LDLRAD3: variants seen among roughly 807,000 people sequenced by gnomAD.
LDLRAD3 encodes low density lipoprotein receptor class A domain containing 3.
A neutral mutation model predicts 29.4 loss-of-function variants in LDLRAD3; 20 were observed. That is an observed-to-expected ratio of 0.68 (90% CI 0.48 to 0.99). The LOEUF (loss-of-function observed/expected upper bound fraction) is 0.99. Among genes scored for constraint, LDLRAD3 ranks in the 50% least tolerant of loss-of-function variants. The probability of loss-of-function intolerance (pLI) is 0.00; values close to 1 mark genes in which losing one functional copy is unlikely to be tolerated. For synonymous variants in LDLRAD3, 157 were observed against 192.7 expected, an observed-to-expected ratio of 0.81 and a Z score of 1.53; for missense variants, 420 against 454.3, an observed-to-expected ratio of 0.92 and a Z score of 0.69.
intron 1 of LDLRAD3, among the ~76,000 whole-genome samples, chr11:35,962,232 A>C (rs263079): frequency 0.043 from 6,511 of 152,086 alleles, 283 homozygotes; most frequent in African/African-American, 0.12. Context: ...TTGGAGTTTG[A>C]ACTTGAGCTT....
chr11:36,093,163 A>G (rs1236026856), intron 3 of LDLRAD3, among the ~76,000 whole-genome samples: 1 of 152,180 alleles, frequency 6.6e-6, no homozygotes, highest in Admixed American at 6.5e-5. Flanking sequence ...TCACTGAAAC[A>G]TTTCTGCTAG....
At chr11:36,222,020 G>A (rs1468265586) in intron 4 of LDLRAD3, among the ~76,000 whole-genome samples, 1 of 152,152 alleles carries the variant, frequency 6.6e-6, no homozygotes, top group Non-Finnish European at 1.5e-5. Context: ...CATTTGGATT[G>A]TTTCTGATAT....
chr11:36,088,794 C>A (rs1207863265), intron 3 of LDLRAD3, among the ~76,000 whole-genome samples: 1 of 152,192 alleles, frequency 6.6e-6, no homozygotes, highest in Non-Finnish European at 1.5e-5. Flanking sequence ...CTTTGGAAAT[C>A]TTTCTGGTTT....
At chr11:36,225,945 G>C (rs959035128) in intron 4 of LDLRAD3, among the ~76,000 whole-genome samples, 1 of 152,096 alleles carries the variant, frequency 6.6e-6, no homozygotes, top group Non-Finnish European at 1.5e-5. Context: ...GCACACACCT[G>C]TAGTCCCAGC....
At chr11:36,006,254 G>A (rs1186774903) in intron 1 of LDLRAD3, among the ~76,000 whole-genome samples, 1 of 152,136 alleles carries the variant, frequency 6.6e-6, no homozygotes, top group East Asian at 1.9e-4. Context: ...TTAATTCACA[G>A]ATTAGGGGAA....
chr11:36,170,534 C>A (rs1360904237), intron 4 of LDLRAD3, among the ~76,000 whole-genome samples: 3 of 151,900 alleles, frequency 2.0e-5, no homozygotes, highest in African/African-American at 7.3e-5. Flanking sequence ...AATGAAATTG[C>A]TGGATCAAAT....
At chr11:35,988,158 A>G (rs1851638124) in intron 1 of LDLRAD3, among the ~76,000 whole-genome samples, 1 of 152,102 alleles carries the variant, frequency 6.6e-6, no homozygotes, top group African/African-American at 2.4e-5. Flanking sequence ...CGTCGGGTCA[A>G]GCCATCCTCC....
intron 4 of LDLRAD3, among the ~76,000 whole-genome samples, chr11:36,100,739 A>G (rs745888317): frequency 1.8e-4 from 28 of 152,186 alleles, no homozygotes; most frequent in African/African-American, 6.3e-4. Flanking sequence ...CGCCCGGCCT[A>G]TACAGTTTCT....
chr11:36,000,392 A>G (rs1851808941), intron 1 of LDLRAD3, among the ~76,000 whole-genome samples: 1 of 151,904 alleles, frequency 6.6e-6, no homozygotes. Context: ...GTTGTAAAGC[A>G]GATACACACT....
intron 3 of LDLRAD3, among the ~76,000 whole-genome samples, chr11:36,095,047 G>C (rs369190586): frequency 6.6e-6 from 1 of 152,132 alleles, no homozygotes; most frequent in African/African-American, 2.4e-5. Context: ...TTAGCTAGGC[G>C]TGGTGGTATA....
intron 3 of LDLRAD3, among the ~76,000 whole-genome samples, chr11:36,088,512 A>G (rs1024395029): frequency 5.3e-5 from 8 of 152,186 alleles, no homozygotes; most frequent in African/African-American, 1.9e-4. Flanking sequence ...AATTCTGAGT[A>G]CCACTGAATC....
chr11:35,991,867 T>TTGTGTGTGTGTG (rs33941156), intron 1 of LDLRAD3, among the ~76,000 whole-genome samples: 6,457 of 82,594 alleles, frequency 0.078, 599 homozygotes, highest in African/African-American at 0.18. Flanking sequence ...GAATGGTTGT[T>TTGTGTGTGTGTG]TGTGTGTGTG....
chr11:36,006,362 A>T (rs906829448), intron 1 of LDLRAD3, among the ~76,000 whole-genome samples: 2 of 152,172 alleles, frequency 1.3e-5, no homozygotes, highest in African/African-American at 4.8e-5. Flanking sequence ...GGTTTCCTTA[A>T]GGGTGCAGTC....
At chr11:36,038,195 A>C (rs142352718) in intron 2 of LDLRAD3, among the ~76,000 whole-genome samples, 1 of 152,296 alleles carries the variant, frequency 6.6e-6, no homozygotes, top group East Asian at 1.9e-4. Flanking sequence ...GTGAGCCACC[A>C]AGCCCGGCCT....
intron 2 of LDLRAD3, among the ~76,000 whole-genome samples, chr11:36,078,467 C>T (rs760784852): frequency 3.9e-5 from 6 of 152,190 alleles, no homozygotes; most frequent in Non-Finnish European, 7.4e-5. Context: ...CTGCCCTGAG[C>T]GTGCACACAT....
chr11:36,140,769 T>C (rs769053432), intron 4 of LDLRAD3, among the ~76,000 whole-genome samples: 16 of 152,150 alleles, frequency 1.1e-4, no homozygotes, highest in Admixed American at 3.9e-4. Context: ...TTATTTATCA[T>C]AGATAGAAAT....
At chr11:36,168,772 G>T (rs1171358171) in intron 4 of LDLRAD3, among the ~76,000 whole-genome samples, 1 of 152,064 alleles carries the variant, frequency 6.6e-6, no homozygotes, top group African/African-American at 2.4e-5. Flanking sequence ...AGATAAAATT[G>T]CCCTGGAAAA....
At chr11:36,070,437 A>G (rs764637199) in intron 2 of LDLRAD3, among the ~76,000 whole-genome samples, 21 of 152,196 alleles carry the variant, frequency 1.4e-4, no homozygotes, top group Non-Finnish European at 2.6e-4. Context: ...GAAAGATCAT[A>G]AAGAGGCCAG....
At chr11:36,122,446 T>C (rs575773571) in intron 4 of LDLRAD3, among the ~76,000 whole-genome samples, 1 of 152,172 alleles carries the variant, frequency 6.6e-6, no homozygotes, top group Non-Finnish European at 1.5e-5. Flanking sequence ...TCCTTAATTG[T>C]GACTATCAAG....
Sources: allele counts gnomAD v4.1 joint callset (sites outside exome capture counted in the v4.1 genomes callset), GRCh38; gene constraint gnomAD v4.1.1; transcripts MANE v1.5; gene names NCBI Gene and HGNC (gene_info 2026-07-23, HGNC 2026-07-21).